The following ST8SIA6 variants were observed in gnomAD, a reference collection of about 807,000 sequenced individuals.
ST8SIA6 encodes ST8 alpha-N-acetyl-neuraminide alpha-2,8-sialyltransferase 6, also known as alpha-2,8-sialyltransferase 8F.
A neutral mutation model predicts 33.6 loss-of-function variants in ST8SIA6; 39 were observed. That is an observed-to-expected ratio of 1.16 (90% CI 0.90 to 1.52). The LOEUF (loss-of-function observed/expected upper bound fraction) is 1.52, where lower values mean the gene tolerates loss of function less well. ST8SIA6 is among the 40% of genes most tolerant of loss of function. The pLI, the probability that ST8SIA6 is intolerant of heterozygous loss-of-function variation, is 0.00. For missense variants in ST8SIA6, 441 were observed against 443.8 expected, an observed-to-expected ratio of 0.99 and a Z score of 0.06; for synonymous variants, 172 against 167.2, an observed-to-expected ratio of 1.03 and a Z score of -0.22.
chr10:17,390,392 T>G, intron 3 of ST8SIA6, 139 bp downstream of exon 3: 1 of 681,852 alleles, frequency 1.5e-6, no homozygotes, highest in Non-Finnish European at 2.5e-6. Context: ...TCATGCTCAT[T>G]AACAGGAGCT....
rs926267581 is a variant in ST8SIA6, at chr10:17,318,304, C to G, written c.*2574G>C. On this transcript the variant is annotated 3_prime_UTR_variant, in exon 8 of 8. Coordinates refer to ENST00000377602, the MANE Select transcript of ST8SIA6 (RefSeq NM_001004470.3). ...GATCACAGCTCACTGCAGCCTCTAC[C>G]TCCTGGGCTCCAGTGAACCTCCCTC... 15 of 214,902 alleles carry G rather than the reference C, an allele frequency of 7.0e-5. No homozygotes were observed. Among genetic ancestry groups the G allele is most frequent in the African/African-American group, 3.5e-4 (15 of 42,872 alleles). The allele number at this position is 214,902 out of a possible 1,614,324, so 13.3% of individuals were successfully genotyped here. A position where few individuals can be genotyped will look rare whatever the true frequency, so the allele number is the denominator to read the frequency against.
At chr10:17,345,363 T>C (rs1010215030) in intron 4 of ST8SIA6, among the ~76,000 whole-genome samples, 1 of 152,208 alleles carries the variant, frequency 6.6e-6, no homozygotes, top group African/African-American at 2.4e-5. Flanking sequence ...TCCACAATCA[T>C]GCAAGCCCAA....
intron 2 of ST8SIA6, among the ~76,000 whole-genome samples, chr10:17,441,118 T>A (rs1852474932): frequency 6.6e-6 from 1 of 152,116 alleles, no homozygotes; most frequent in Non-Finnish European, 1.5e-5. Context: ...AGGAAAAATA[T>A]AATTTGTCAA....
At chr10:17,389,543 C>G (rs1850507362) in intron 3 of ST8SIA6, among the ~76,000 whole-genome samples, 1 of 152,154 alleles carries the variant, frequency 6.6e-6, no homozygotes, top group South Asian at 2.1e-4. Flanking sequence ...ACCAGTGCCT[C>G]TTCCATGTAG....
chr10:17,349,961 C>T (rs2131607085), intron 4 of ST8SIA6, among the ~76,000 whole-genome samples: 1 of 152,190 alleles, frequency 6.6e-6, no homozygotes, highest in South Asian at 2.1e-4. Flanking sequence ...CACATACACA[C>T]ACAAATGAAA....
In ST8SIA6 at chr10:17,449,355, C is replaced by A. The variant is rs1852830894; in HGVS notation, c.200+4204G>T. Among the ~76,000 whole-genome samples, 13 of 152,042 alleles carry A rather than the reference C, an allele frequency of 8.6e-5. No individual in the cohort carries two copies. In the South Asian group the frequency reaches 2.5e-3, roughly 29 times the overall value. ...AAGCCAATGAAAAACTTTGACAAAGCTTATTAGCAAGAGAAAGGATCCATT... is the reference window on the plus strand; with the variant it reads ...AAGCCAATGAAAAACTTTGACAAAGATTATTAGCAAGAGAAAGGATCCATT... On this transcript the variant is annotated intron_variant, in intron 2 of 7. Transcript: ENST00000377602.
chr10:17,418,514 T>C (rs929227501), intron 2 of ST8SIA6, among the ~76,000 whole-genome samples: 7 of 152,168 alleles, frequency 4.6e-5, no homozygotes, highest in Non-Finnish European at 1.0e-4. Flanking sequence ...TGAGTGTTCA[T>C]AGGACATGAC....
chr10:17,423,624 T>A (rs1402517384), intron 2 of ST8SIA6, among the ~76,000 whole-genome samples: 10 of 152,200 alleles, frequency 6.6e-5, no homozygotes. Context: ...TCTCTTCCAC[T>A]ACCACTCTGA....
intron 3 of ST8SIA6, among the ~76,000 whole-genome samples, chr10:17,366,344 C>T (rs1849558359): frequency 6.6e-6 from 1 of 152,066 alleles, no homozygotes; most frequent in Non-Finnish European, 1.5e-5. Context: ...AACACAGCTT[C>T]AGAGATTAAC....
At position 17,337,379 on chromosome 10, in the gene ST8SIA6, A is replaced by G. The variant is rs145671678; in HGVS notation, c.378-5827T>C. On this transcript the variant is annotated intron_variant, in intron 4 of 7. Coordinates refer to ENST00000377602, the MANE Select transcript of ST8SIA6 (RefSeq NM_001004470.3). Reference sequence around the variant, plus strand: ...GCAGACTGTTCTTTATTCCTGGAGTAGTAGTCCATGGTATGGATGTACCAG... The same window carrying G: ...GCAGACTGTTCTTTATTCCTGGAGTGGTAGTCCATGGTATGGATGTACCAG... Among the ~76,000 whole-genome samples, 1,081 of 152,338 alleles carry G rather than the reference A, an allele frequency of 7.1e-3. 9 individuals are homozygous for G. The highest frequency in any genetic ancestry group is 0.011 in the South Asian group (55 of 4,826).
At position 17,333,690 on chromosome 10, in the gene ST8SIA6, T is replaced by A. The variant is rs71491135; in HGVS notation, c.378-2138A>T. 5.4e-4 allele frequency among the ~76,000 whole-genome samples: 21 copies of A among 39,166 alleles called. 1 individual carries two copies. Among genetic ancestry groups the A allele is most frequent in the African/African-American group, 3.3e-3 (20 of 6,088 alleles). The allele number at this position is 39,166 out of a possible 152,430, so 25.7% of individuals were successfully genotyped here. On this transcript the variant is annotated intron_variant, in intron 4 of 7. Transcript: ENST00000377602. ...GTGCTGGGATATATATATATATATA[T>A]ATATATATATATATATATATATATA...
At chr10:17,359,871 C>T (rs1488409500) in intron 3 of ST8SIA6, among the ~76,000 whole-genome samples, 1 of 152,048 alleles carries the variant, frequency 6.6e-6, no homozygotes, top group Non-Finnish European at 1.5e-5. Context: ...GCATATGTAT[C>T]TAATGGACAT....
chr10:17,361,242 A>G (rs913742974), intron 3 of ST8SIA6, among the ~76,000 whole-genome samples: 6 of 152,088 alleles, frequency 3.9e-5, no homozygotes, highest in African/African-American at 1.4e-4. Context: ...GAAAACATCA[A>G]TTAAATTGAT....
At chr10:17,395,182 A>G (rs1258601352) in intron 2 of ST8SIA6, among the ~76,000 whole-genome samples, 1 of 152,160 alleles carries the variant, frequency 6.6e-6, no homozygotes, top group East Asian at 1.9e-4. Context: ...GTCTACCACC[A>G]AGTAAGACAT....
chr10:17,324,541 A>G (rs1231667768), intron 6 of ST8SIA6, among the ~76,000 whole-genome samples: 2 of 151,974 alleles, frequency 1.3e-5, no homozygotes, highest in African/African-American at 2.4e-5. Flanking sequence ...GTAGAATATC[A>G]TAGGAGACTC....
At chr10:17,409,521 C>T (rs1851377872) in intron 2 of ST8SIA6, 1 of 152,284 alleles carries the variant, frequency 6.6e-6, no homozygotes, top group South Asian at 2.1e-4. Flanking sequence ...TCACTTGAGC[C>T]TAGGAGTTCA....
At chr10:17,392,619 G>A (rs573701614) in intron 2 of ST8SIA6, among the ~76,000 whole-genome samples, 2 of 152,302 alleles carry the variant, frequency 1.3e-5, no homozygotes, top group Non-Finnish European at 2.9e-5. Context: ...GAAGAGCCAT[G>A]GGGTGATTGC....
At chr10:17,415,801 G>GTCTTTTT (rs1851587861) in intron 2 of ST8SIA6, among the ~76,000 whole-genome samples, 1 of 124,376 alleles carries the variant, frequency 8.0e-6, no homozygotes, top group Non-Finnish European at 1.7e-5. Flanking sequence ...CGCCTCACTT[G>GTCTTTTT]TCTTTTTTTT....
rs1849036693 is a variant in ST8SIA6, at chr10:17,351,747, A to G, written c.377+7767T>C. ...AAAATGAGGAAATTCTGTCATTTGCAGACAACAAGAATAAACCTGGAGGAC... is the reference window on the plus strand; with the variant it reads ...AAAATGAGGAAATTCTGTCATTTGCGGACAACAAGAATAAACCTGGAGGAC... On this transcript the variant is annotated intron_variant, in intron 4 of 7. Transcript: ENST00000377602. Among the ~76,000 whole-genome samples, 3 of 152,108 alleles carry G rather than the reference A, an allele frequency of 2.0e-5. No individual in the cohort carries two copies. In the South Asian group the frequency reaches 6.2e-4, roughly 32 times the overall value.
Sources: allele counts gnomAD v4.1 joint callset (sites outside exome capture counted in the v4.1 genomes callset), GRCh38; gene constraint gnomAD v4.1.1; transcripts MANE v1.5; gene names NCBI Gene and HGNC (gene_info 2026-07-23, HGNC 2026-07-21).